ZNF638: variants seen among roughly 807,000 people sequenced by gnomAD.
ZNF638 encodes CTCL tumor antigen se33-1.
Under a neutral mutation model 195.6 loss-of-function variants are expected in ZNF638, and 46 were observed. That is an observed-to-expected ratio of 0.24 (90% CI 0.19 to 0.30). The LOEUF is 0.30. ZNF638 is among the 10% of genes least tolerant of loss of function. The pLI is 1.00. For missense variants in ZNF638, 2,440 were observed against 2,325.3 expected, an observed-to-expected ratio of 1.05 and a Z score of -1.01; for synonymous variants, 845 against 772.0, an observed-to-expected ratio of 1.09 and a Z score of -1.57.
At chr2:71,363,893 A>G in intron 4 of ZNF638, 61 bp from the exon 5 acceptor site, 1 of 1,530,776 alleles carries the variant, frequency 6.5e-7, no homozygotes, top group Non-Finnish European at 8.8e-7. Context: ...TCTGTCATTT[A>G]TTATCATTTA....
rs769242862 is a variant in ZNF638, at chr2:71,349,581, C to T, written c.627C>T (p.Ile209=). The T allele has an allele frequency of 8.1e-6, 13 of 1,614,062 alleles. No individual in the cohort carries two copies. Among genetic ancestry groups the T allele is most frequent in the East Asian group, 4.5e-5 (2 of 44,872 alleles). The change falls in exon 2 of 28, where the codon ATC becomes ATT. Residue 209 remains isoleucine, a synonymous_variant. Coordinates refer to ENST00000264447, the MANE Select transcript of ZNF638 (RefSeq NM_014497.5). The stretch of plus-strand genomic sequence containing the variant: ...GTGAAGCAGTTTCAAGTAATGTGAT[C>T]GATTATGGGCATGCAAGCAAATATG... ...LGSEAVSSNV[I]DYGHASKYGY... is the part of the protein sequence containing the mutation.
At chr2:71,372,517 G>A (rs1296007101) in intron 8 of ZNF638, among the ~76,000 whole-genome samples, 2 of 152,170 alleles carry the variant, frequency 1.3e-5, no homozygotes, top group African/African-American at 4.8e-5. Context: ...GCCAGATTAG[G>A]GAGGTGTGCT....
intron 27 of ZNF638, among the ~76,000 whole-genome samples, chr2:71,434,377 C>G (rs1433820049): frequency 6.6e-6 from 1 of 152,152 alleles, no homozygotes; most frequent in Non-Finnish European, 1.5e-5. Flanking sequence ...AAGTAGAACC[C>G]CCAAAAAAGT....
chr2:71,366,772 T>C (rs1009523321), intron 6 of ZNF638, among the ~76,000 whole-genome samples: 1 of 152,222 alleles, frequency 6.6e-6, no homozygotes, highest in Admixed American at 6.5e-5. Context: ...TACTCTGTTG[T>C]ACAGTGTAAA....
rs776482674 is a variant in ZNF638, at chr2:71,396,182, A to C, written c.2419A>C (p.Lys807Gln). 1 of 1,612,632 alleles carries C rather than the reference A, an allele frequency of 6.2e-7. No individual in the cohort carries two copies. The highest frequency in any genetic ancestry group is 1.1e-5 in the South Asian group (1 of 90,544). The part of the protein sequence containing the change: ...QAKASVAKVN[K>Q]STGKSASSVK... ...CAAGGCATCTGTAGCCAAAGTAAAC[A>C]AATCTACAGGTATGTTTTTTTAATT... The change falls in exon 11 of 28, where the codon AAA (lysine) becomes CAA (glutamine). Residue 807 changes from lysine to glutamine, a missense_variant. Physicochemically the swap from Lys to Gln is moderately conservative, Grantham distance 53. Transcript: ENST00000264447.
At chr2:71,366,341 C>G (rs1028013538) in intron 6 of ZNF638, among the ~76,000 whole-genome samples, 2 of 148,618 alleles carry the variant, frequency 1.3e-5, no homozygotes, top group East Asian at 3.9e-4. Flanking sequence ...GCCTGAACTA[C>G]AGAAGGAAGA....
At chr2:71,422,765 GTTTGTGTT>G in intron 21 of ZNF638, 41 bp from the exon 22 acceptor site, 4 of 1,550,262 alleles carry the variant, frequency 2.6e-6, no homozygotes, top group Non-Finnish European at 3.5e-6. Context: ...TTTGATTTTT[GTTTGTGTT>G]TTTGTTTGTG....
In ZNF638 at chr2:71,349,480, G is replaced by T; in HGVS notation, c.526G>T (p.Asp176Tyr). 6.2e-7 allele frequency: 1 copy of T among 1,614,090 alleles called. No individual in the cohort carries two copies. The highest frequency in any genetic ancestry group is 8.5e-7 in the Non-Finnish European group (1 of 1,180,014). Reference protein sequence around the residue: ...TPENMPLILRDIRMRKMGRRL... With the variant: ...TPENMPLILRYIRMRKMGRRL... ...TGAAAATATGCCATTAATTTTGAGG[G>T]ATATAAGAATGCGAAAAATGGGGCG... Residue 176 changes from aspartate (D) to tyrosine (Y), a missense_variant, in exon 2 of 28, where the codon GAT (aspartate) becomes TAT (tyrosine). Asp to Tyr is a radical substitution (Grantham distance 160). Coordinates refer to ENST00000264447, the MANE Select transcript of ZNF638 (RefSeq NM_014497.5).
intron 6 of ZNF638, among the ~76,000 whole-genome samples, chr2:71,367,185 A>G (rs1265694960): frequency 6.6e-6 from 1 of 151,872 alleles, no homozygotes; most frequent in Non-Finnish European, 1.5e-5. Flanking sequence ...GTCTCATAAT[A>G]TGAAGTTCTT....
chr2:71,348,315 TG>T, intron 1 of ZNF638: 1 of 697,436 alleles, frequency 1.4e-6, no homozygotes, highest in Non-Finnish European at 1.8e-6. Context: ...TTTACAAAAA[TG>T]GGTCTTTTAG....
At chr2:71,362,956 C>G (rs888351932) in intron 3 of ZNF638, among the ~76,000 whole-genome samples, 197 bp from the exon 4 acceptor site, 1 of 152,004 alleles carries the variant, frequency 6.6e-6, no homozygotes, top group Non-Finnish European at 1.5e-5. Flanking sequence ...AAGTTTAGGC[C>G]TTTAAAGTAT....
At chr2:71,426,316 CAA>C (rs1325154497) in intron 23 of ZNF638, 142 bp from the exon 24 acceptor site, 6 of 602,676 alleles carry the variant, frequency 1.0e-5, no homozygotes, top group Non-Finnish European at 1.7e-5. Context: ...TTAAAAAAAA[CAA>C]CTCTTAATTT....
At position 71,349,715 on chromosome 2, in the gene ZNF638, A is replaced by G; in HGVS notation, c.761A>G (p.Asn254Ser). 2 of 1,614,152 alleles carry G rather than the reference A, an allele frequency of 1.2e-6. No individual in the cohort carries two copies. Among genetic ancestry groups the G allele is most frequent in the Non-Finnish European group, 1.7e-6 (2 of 1,180,024 alleles). The change falls in exon 2 of 28, where the codon AAT (asparagine) becomes AGT (serine). Residue 254 changes from asparagine to serine, a missense_variant. Around this residue, in one of 5 missense-constraint regions of ZNF638, gnomAD observed 305 missense variants for 283.6 expected, o/e 1.08. Transcript: ENST00000264447. ...CAGAACATTTCTGCATCTGTTCCCA[A>G]TCCAAATGTGATATGTAATTCTATG... ...SQQNISASVP[N>S]PNVICNSMFP...
intron 7 of ZNF638, among the ~76,000 whole-genome samples, chr2:71,368,926 A>T (rs2079254766): frequency 6.6e-6 from 1 of 152,274 alleles, no homozygotes; most frequent in East Asian, 1.9e-4. Flanking sequence ...GTTAGATAAT[A>T]CTAAAACAAA....
At chr2:71,433,353 C>A in intron 27 of ZNF638, 70 bp downstream of exon 27, 1 of 1,111,874 alleles carries the variant, frequency 9.0e-7, no homozygotes, top group Non-Finnish European at 1.4e-6. Flanking sequence ...TTTATCTCCC[C>A]AAACGTACAT....
intron 17 of ZNF638, 24 bp from the exon 18 acceptor site, chr2:71,405,577 C>A: frequency 6.8e-7 from 1 of 1,481,216 alleles, no homozygotes; most frequent in South Asian, 1.2e-5. Context: ...ATACCATCAA[C>A]CTTTATCTAT....
intron 2 of ZNF638, among the ~76,000 whole-genome samples, chr2:71,355,195 A>C (rs1355566248): frequency 6.6e-6 from 1 of 152,052 alleles, no homozygotes; most frequent in Non-Finnish European, 1.5e-5. Flanking sequence ...TGAACTCGTG[A>C]TCCGCCCTCC....
In ZNF638 at chr2:71,350,068, A is replaced by G. The variant is rs779255467; in HGVS notation, c.1114A>G (p.Asn372Asp). The part of the protein sequence containing the change: ...VHVGSRGSKK[N>D]YQSQADIPIR... ...TGTTGGATCAAGAGGAAGTAAAAAGAATTACCAGTCACAGGCTGACATTCC... is the reference window on the plus strand; with the variant it reads ...TGTTGGATCAAGAGGAAGTAAAAAGGATTACCAGTCACAGGCTGACATTCC... The change falls in exon 2 of 28, where the codon AAT becomes GAT. Residue 372 changes from asparagine (N) to aspartate (D), a missense_variant. Physicochemically the swap from Asn to Asp is conservative, Grantham distance 23. This residue lies in a region of ZNF638 where 305 missense variants were observed against 283.6 expected (regional missense o/e 1.08). Transcript: ENST00000264447. The G allele has an allele frequency of 6.2e-7, 1 of 1,614,198 alleles. No homozygotes were observed. The highest frequency in any genetic ancestry group is 1.1e-5 in the South Asian group (1 of 91,086).
chr2:71,346,949 A>G lies in ZNF638; in HGVS notation c.-202-1804A>G, dbSNP rs374413690. 4.6e-5 allele frequency among the ~76,000 whole-genome samples: 7 copies of G among 152,010 alleles called. No individual in the cohort carries two copies. In the South Asian group the frequency reaches 1.0e-3, roughly 23 times the overall value. ...TGAGGCAGGAGAATGGCTTGAACCC[A>G]AGAGGTGGAGGTTGCAGTGAGCCGA... On this transcript the variant is annotated intron_variant, in intron 1 of 27. Coordinates refer to ENST00000264447, the MANE Select transcript of ZNF638 (RefSeq NM_014497.5).
Sources: allele counts gnomAD v4.1 joint callset (sites outside exome capture counted in the v4.1 genomes callset), GRCh38; gene constraint gnomAD v4.1.1; regional missense constraint gnomAD v4.1.1; transcripts MANE v1.5; gene names NCBI Gene and HGNC (gene_info 2026-07-23, HGNC 2026-07-21).